LRRTM4: variants seen among roughly 807,000 people sequenced by gnomAD.
LRRTM4 encodes the protein leucine rich repeat transmembrane neuronal 4, also known as leucine-rich repeat transmembrane neuronal protein 4.
LRRTM4 carries 25 observed loss-of-function variants against 47.6 expected under a neutral mutation model. The observed-to-expected ratio is 0.53, with a 90% CI of 0.38 to 0.73. The LOEUF is 0.73. LRRTM4 is among the 30% of genes least tolerant of loss of function. LRRTM4 has a pLI of 0.00. For synonymous variants in LRRTM4, 311 were observed against 269.5 expected (o/e 1.15, Z -1.51); for missense variants, 638 against 713.4 (o/e 0.89, Z 1.20).
chr2:76,921,015 T>A (rs981877936), intron 3 of LRRTM4, among the ~76,000 whole-genome samples: 3 of 152,106 alleles, frequency 2.0e-5, no homozygotes, highest in South Asian at 2.1e-4. Context: ...GGTTCACTTG[T>A]CAAAACTAAA....
intron 3 of LRRTM4, among the ~76,000 whole-genome samples, chr2:77,244,507 A>T (rs1029545205): frequency 6.6e-6 from 1 of 152,144 alleles, no homozygotes; most frequent in Admixed American, 6.6e-5. Flanking sequence ...ATGGGAAAAA[A>T]ATGTTTAAGG....
chr2:76,803,034 T>G (rs1183294203), intron 3 of LRRTM4, among the ~76,000 whole-genome samples: 1 of 152,154 alleles, frequency 6.6e-6, no homozygotes, highest in Admixed American at 6.6e-5. Context: ...ATGAGATTGG[T>G]CTGGGTAATG....
At chr2:77,141,964 T>A (rs533141642) in intron 3 of LRRTM4, among the ~76,000 whole-genome samples, 16 of 152,302 alleles carry the variant, frequency 1.1e-4, no homozygotes, top group African/African-American at 3.8e-4. Flanking sequence ...CTTTCTGGCC[T>A]GTTGCATTCA....
intron 3 of LRRTM4, among the ~76,000 whole-genome samples, chr2:76,854,194 G>A (rs541297466): frequency 2.0e-5 from 3 of 152,160 alleles, no homozygotes; most frequent in African/African-American, 7.2e-5. Flanking sequence ...ATTATCCACT[G>A]TTAGAAATTT....
chr2:77,109,216 C>G (rs538495913), intron 3 of LRRTM4, among the ~76,000 whole-genome samples: 1 of 152,030 alleles, frequency 6.6e-6, no homozygotes, highest in South Asian at 2.1e-4. Flanking sequence ...ATTTTAATGA[C>G]TACCAAATTC....
chr2:76,898,786 T>A (rs887256582), intron 3 of LRRTM4, among the ~76,000 whole-genome samples: 1 of 151,124 alleles, frequency 6.6e-6, no homozygotes, highest in Admixed American at 6.6e-5. Context: ...ATAGTCACTA[T>A]ACATTATATA....
intron 3 of LRRTM4, among the ~76,000 whole-genome samples, chr2:77,145,864 G>A (rs1672246283): frequency 1.3e-5 from 2 of 151,988 alleles, no homozygotes; most frequent in South Asian, 4.1e-4. Flanking sequence ...TAGCTTGAGA[G>A]CTTTTTTAAA....
At chr2:76,891,487 G>C (rs537752850) in intron 3 of LRRTM4, among the ~76,000 whole-genome samples, 3 of 151,266 alleles carry the variant, frequency 2.0e-5, no homozygotes, top group African/African-American at 7.3e-5. Flanking sequence ...TAGAATATTG[G>C]AAAAGTAAGC....
chr2:77,343,158 C>T (rs1671437300), intron 3 of LRRTM4, among the ~76,000 whole-genome samples: 1 of 151,928 alleles, frequency 6.6e-6, no homozygotes, highest in Non-Finnish European at 1.5e-5. Context: ...CTTTAGCTAG[C>T]TCATTGAGTT....
At chr2:77,480,254 G>C (rs555411177) in intron 3 of LRRTM4, among the ~76,000 whole-genome samples, 32 of 152,044 alleles carry the variant, frequency 2.1e-4, no homozygotes, top group Non-Finnish European at 3.7e-4. Context: ...CAAGTAAAAG[G>C]AACTACAGAG....
At position 77,299,327 on chromosome 2, in the gene LRRTM4, GTATATATGTATATACGTA is replaced by G. The variant is rs1677063438; in HGVS notation, c.1551+218973_1551+218990del. Among the ~76,000 whole-genome samples, 3 of 149,504 alleles carry G rather than the reference GTATATATGTATATACGTA, an allele frequency of 2.0e-5. No individual in the cohort carries two copies. The South Asian group carries it at 6.3e-4, about 31-fold the overall frequency. On this transcript the variant is annotated intron_variant, in intron 3 of 3. Coordinates refer to ENST00000409884, the MANE Select transcript of LRRTM4 (RefSeq NM_001134745.3). ...TACACGTATATACATATATATGTGT[GTATATATGTATATACGTA>G]TATATATGTATATATGTGTGTATAT...
At chr2:77,372,810 GAA>G (rs1244919440) in intron 3 of LRRTM4, among the ~76,000 whole-genome samples, 1 of 151,362 alleles carries the variant, frequency 6.6e-6, no homozygotes, top group Non-Finnish European at 1.5e-5. Flanking sequence ...GTAGGGATGA[GAA>G]AACACATTTT....
intron 3 of LRRTM4, among the ~76,000 whole-genome samples, chr2:77,080,839 G>A (rs769839662): frequency 8.7e-4 from 133 of 152,176 alleles, no homozygotes; most frequent in Non-Finnish European, 1.4e-3. Context: ...TTAGCGCCCA[G>A]TTATTTCTCC....
intron 3 of LRRTM4, among the ~76,000 whole-genome samples, chr2:76,812,413 G>C (rs1008665350): frequency 6.6e-6 from 1 of 152,164 alleles, no homozygotes; most frequent in African/African-American, 2.4e-5. Context: ...ATGCTGATAG[G>C]TGTAATGGCC....
rs1261268908 is a variant in LRRTM4 at position 77,519,937 on chromosome 2, CA to C, written c.5-74del. The C allele has an allele frequency of 7.5e-6, 11 of 1,467,502 alleles. No homozygotes were observed. The highest frequency in any genetic ancestry group is 9.9e-6 in the Non-Finnish European group (11 of 1,110,634). 90.9% of individuals were successfully genotyped at this position (1,467,502 alleles called of 1,614,324 possible). Reference sequence around the variant, plus strand: ...TAAATCACCGTCGGTTTACCAACAACAGGGGCATTTCCTCTAGTGTAGGAAT... The same window carrying C: ...TAAATCACCGTCGGTTTACCAACAACGGGGCATTTCCTCTAGTGTAGGAAT... On this transcript the variant is annotated intron_variant, in intron 2 of 3. Transcript: ENST00000409884. This position sits in a 1 kb window ranked among gnomAD's most constrained non-coding sequence, Gnocchi z 4.6.
intron 3 of LRRTM4, among the ~76,000 whole-genome samples, chr2:77,037,184 A>G (rs1678865934): frequency 6.6e-6 from 1 of 151,764 alleles, no homozygotes; most frequent in African/African-American, 2.4e-5. Context: ...TTTATCCATT[A>G]TATATGTCTA....
intron 3 of LRRTM4, among the ~76,000 whole-genome samples, chr2:76,791,887 T>G (rs1674994986): frequency 6.6e-6 from 1 of 152,128 alleles, no homozygotes; most frequent in Admixed American, 6.5e-5. Flanking sequence ...CCCCAGAGAA[T>G]TTTTGAGGAA....
intron 3 of LRRTM4, among the ~76,000 whole-genome samples, chr2:77,099,245 T>C (rs973711864): frequency 6.6e-6 from 1 of 151,864 alleles, no homozygotes; most frequent in Non-Finnish European, 1.5e-5. Flanking sequence ...ATGAAAACAT[T>C]AACTGTACTA....
At chr2:77,207,308 A>G (rs1674155704) in intron 3 of LRRTM4, among the ~76,000 whole-genome samples, 1 of 145,780 alleles carries the variant, frequency 6.9e-6, no homozygotes, top group East Asian at 2.0e-4. Flanking sequence ...ACGTATATAT[A>G]CACATGTATG....
Sources: gnomAD v4.1 joint callset for allele counts (sites outside exome capture counted in the v4.1 genomes callset) on GRCh38, gnomAD v4.1.1 for gene constraint, Gnocchi (gnomAD v3.1) non-coding constraint, MANE v1.5 for transcripts, NCBI Gene and HGNC (gene_info 2026-07-23, HGNC 2026-07-21) for gene names.